The following TTYH3 variants were observed in gnomAD, a reference collection of about 807,000 sequenced individuals.
TTYH3 encodes tweety family member 3.
Under a neutral mutation model 68.2 loss-of-function variants are expected in TTYH3, and 23 were observed. The ratio of observed to expected loss-of-function variants is 0.34; its 90% confidence interval spans 0.24 to 0.48. The LOEUF (loss-of-function observed/expected upper bound fraction) is 0.48, where lower values mean the gene tolerates loss of function less well. Ranked by LOEUF, TTYH3 falls within the 20% of genes least tolerant of loss-of-function variation. The pLI is 0.99. For synonymous variants in TTYH3, 360 were observed against 332.8 expected (o/e 1.08, Z -0.89); for missense variants, 768 against 727.7 (o/e 1.06, Z -0.64).
intron 5 of TTYH3, 101 bp downstream of exon 5, chr7:2,648,155 A>C (rs1488351842): frequency 8.6e-7 from 1 of 1,163,092 alleles, no homozygotes; most frequent in Non-Finnish European, 1.2e-6. Context: ...TCCTAGCCAC[A>C]AGCTCTGCGG....
chr7:2,658,153 C>A, intron 11 of TTYH3, 133 bp from the exon 12 acceptor site: 2 of 934,936 alleles, frequency 2.1e-6, no homozygotes, highest in Non-Finnish European at 3.1e-6. Flanking sequence ...CACAGTCCCA[C>A]ATGGAGTGTG....
At chr7:2,637,724 G>A (rs1785717758) in intron 1 of TTYH3, among the ~76,000 whole-genome samples, 1 of 152,174 alleles carries the variant, frequency 6.6e-6, no homozygotes, top group Admixed American at 6.5e-5. Flanking sequence ...TGGATGGTGG[G>A]TGTGGGAGGG....
intron 10 of TTYH3, 63 bp downstream of exon 10, chr7:2,656,247 G>T (rs888836779): frequency 1.9e-6 from 3 of 1,552,594 alleles, no homozygotes; most frequent in Non-Finnish European, 2.6e-6. Flanking sequence ...GGGAGCAGCT[G>T]TTCGGGAGGA....
chr7:2,644,245 A>C (rs1785926111), intron 1 of TTYH3, among the ~76,000 whole-genome samples: 3 of 152,170 alleles, frequency 2.0e-5, no homozygotes, highest in African/African-American at 7.2e-5. Context: ...GGGTACTGGC[A>C]GGGCCTGCAG....
chr7:2,658,105 G>T (rs562403409), intron 11 of TTYH3, among the ~76,000 whole-genome samples, 181 bp from the exon 12 acceptor site: 1 of 152,338 alleles, frequency 6.6e-6, no homozygotes, highest in African/African-American at 2.4e-5. Context: ...ACCCCACCTC[G>T]CAAGGGCAGG....
At chr7:2,659,630 T>G (rs1309571323) in intron 13 of TTYH3, among the ~76,000 whole-genome samples, 1 of 152,128 alleles carries the variant, frequency 6.6e-6, no homozygotes, top group Non-Finnish European at 1.5e-5. Flanking sequence ...GTGGCGAAGC[T>G]GGGGGACCGG....
intron 1 of TTYH3, among the ~76,000 whole-genome samples, chr7:2,641,073 T>C (rs1470715692): frequency 1.3e-5 from 2 of 151,918 alleles, no homozygotes; most frequent in Admixed American, 6.6e-5. Flanking sequence ...TATGCCTGGG[T>C]GTAGAGGCCA....
intron 5 of TTYH3, 21 bp downstream of exon 5, chr7:2,648,075 C>A: frequency 6.3e-7 from 1 of 1,599,728 alleles, no homozygotes; most frequent in Non-Finnish European, 8.5e-7. Context: ...GGGTGTCGGC[C>A]CCCCGTGGGC....
intron 1 of TTYH3, among the ~76,000 whole-genome samples, chr7:2,639,597 A>G (rs553803688): frequency 1.5e-4 from 23 of 152,178 alleles, no homozygotes; most frequent in Non-Finnish European, 2.5e-4. Flanking sequence ...GATGCTCCCA[A>G]TTAGCCCGGA....
chr7:2,632,054 G>A lies in TTYH3; in HGVS notation c.-102G>A, dbSNP rs1037642285. The A allele has an allele frequency of 6.5e-6, 7 of 1,084,080 alleles. No individual in the cohort carries two copies. In the African/African-American group the frequency reaches 8.3e-5, roughly 13 times the overall value. The allele number at this position is 1,084,080 out of a possible 1,614,324, so 67.2% of individuals were successfully genotyped here. A position where few individuals can be genotyped will look rare whatever the true frequency, so the allele number is the denominator to read the frequency against. On this transcript the variant is annotated 5_prime_UTR_variant, in exon 1 of 14. Coordinates refer to ENST00000258796, the MANE Select transcript of TTYH3 (RefSeq NM_025250.3). ...GGGCCCAGGAGCGCGCGGATGATGC[G>A]GGCGGCCAGGCGGGGGTCGACGGGT...
intron 4 of TTYH3, 107 bp downstream of exon 4, chr7:2,647,745 G>A: frequency 7.8e-7 from 1 of 1,274,042 alleles, no homozygotes. Context: ...TGGGCAGGGT[G>A]TGGCCCAGGG....
At chr7:2,660,842 C>A (rs1238843325) in intron 13 of TTYH3, among the ~76,000 whole-genome samples, 1 of 152,196 alleles carries the variant, frequency 6.6e-6, no homozygotes, top group South Asian at 2.1e-4. Flanking sequence ...CGTGCCAGGC[C>A]TGTGGGTCCT....
chr7:2,639,797 A>T (rs1327028543), intron 1 of TTYH3, among the ~76,000 whole-genome samples: 1 of 152,030 alleles, frequency 6.6e-6, no homozygotes, highest in South Asian at 2.1e-4. Context: ...CCCTCCTCCA[A>T]GCTGTGTCAC....
chr7:2,663,361 C>T lies in TTYH3; in HGVS notation c.*1622C>T, dbSNP rs560204900. 1 of 152,992 alleles carries T rather than the reference C, an allele frequency of 6.5e-6. No homozygotes were observed. The highest frequency in any genetic ancestry group is 2.4e-5 in the African/African-American group (1 of 41,588). 9.5% of individuals were successfully genotyped at this position (152,992 alleles called of 1,614,324 possible). A position where few individuals can be genotyped will look rare whatever the true frequency, so the allele number is the denominator to read the frequency against. Reference sequence around the variant, plus strand: ...CCCCTCCCTGGGGCCAGGCTCTGCCCTGGCCTTCCTCTGTGAACCCCTCCT... The same window carrying T: ...CCCCTCCCTGGGGCCAGGCTCTGCCTTGGCCTTCCTCTGTGAACCCCTCCT... On this transcript the variant is annotated 3_prime_UTR_variant, in exon 14 of 14. Coordinates refer to ENST00000258796, the MANE Select transcript of TTYH3 (RefSeq NM_025250.3).
rs1253616983 is a variant in TTYH3 at position 2,664,223 on chromosome 7, C to G, written c.*2484C>G. 6.5e-6 allele frequency: 1 copy of G among 152,674 alleles called. No homozygotes were observed. Among genetic ancestry groups the G allele is most frequent in the Non-Finnish European group, 1.5e-5 (1 of 68,074 alleles). The allele number at this position is 152,674 out of a possible 1,614,324, so 9.5% of individuals were successfully genotyped here. A position where few individuals can be genotyped will look rare whatever the true frequency, so the allele number is the denominator to read the frequency against. On this transcript the variant is annotated 3_prime_UTR_variant, in exon 14 of 14. Coordinates refer to ENST00000258796, the MANE Select transcript of TTYH3 (RefSeq NM_025250.3). ...ATGGCAAGGTTGGTAGTGAATGGGC[C>G]TGGTTGGGAGCAGCCCCTGGCCCAT... is the stretch of plus-strand genomic sequence containing the variant.
chr7:2,644,332 G>A (rs1339042330), intron 1 of TTYH3, among the ~76,000 whole-genome samples: 1 of 152,182 alleles, frequency 6.6e-6, no homozygotes. Flanking sequence ...GAGCCCCAGA[G>A]CGTGGCTTTT....
Position 2,632,015 on chromosome 7 carries a change from A to AGCCGGGCCGG in TTYH3, c.-132_-123dup, listed in dbSNP as rs1166601416. On this transcript the variant is annotated 5_prime_UTR_variant, in exon 1 of 14. Transcript: ENST00000258796. ...AGCCGAGCGCAGCCGAGCCGGGCCG[A>AGCCGGGCCGG]GCCGGGCCGGGCCGGGCCCAGGAGC... 71 of 671,600 alleles carry AGCCGGGCCGG rather than the reference A, an allele frequency of 1.1e-4. No individual in the cohort carries two copies. The highest frequency in any genetic ancestry group is 2.3e-4 in the Admixed American group (4 of 17,082). 41.6% of individuals were successfully genotyped at this position (671,600 alleles called of 1,614,324 possible).
At chr7:2,644,038 G>A (rs937156070) in intron 1 of TTYH3, among the ~76,000 whole-genome samples, 2 of 152,192 alleles carry the variant, frequency 1.3e-5, no homozygotes, top group Admixed American at 6.5e-5. Context: ...GCAGAGGGAG[G>A]GCTCGCTGGA....
chr7:2,647,390 C>T, intron 3 of TTYH3, 28 bp from the exon 4 acceptor site: 4 of 1,469,748 alleles, frequency 2.7e-6, no homozygotes, highest in Non-Finnish European at 3.6e-6. Flanking sequence ...GGCGCGCTCC[C>T]AGCCTCACGC....
Sources: gnomAD v4.1 joint callset for allele counts (sites outside exome capture counted in the v4.1 genomes callset) on GRCh38, gnomAD v4.1.1 for gene constraint, MANE v1.5 for transcripts, NCBI Gene and HGNC (gene_info 2026-07-23, HGNC 2026-07-21) for gene names.